The following EPS8 variants were observed in gnomAD, a reference collection of about 807,000 sequenced individuals.
EPS8 encodes epidermal growth factor receptor kinase substrate 8.
In EPS8, 42 loss-of-function variants were observed where a neutral mutation model predicts 103.8. The observed-to-expected ratio is 0.40, with a 90% CI of 0.32 to 0.52. The LOEUF is 0.52. Among genes scored for constraint, EPS8 ranks in the 20% least tolerant of loss-of-function variants. EPS8 has a pLI of 0.40. For synonymous variants in EPS8, 344 were observed against 344.6 expected (o/e 1.00, Z 0.02); for missense variants, 969 against 1,005.1 (o/e 0.96, Z 0.49).
At chr12:15,703,352 G>C (rs1464677542) in intron 1 of EPS8, among the ~76,000 whole-genome samples, 2 of 152,044 alleles carry the variant, frequency 1.3e-5, no homozygotes, top group Admixed American at 6.6e-5. Flanking sequence ...ATTACTGTAT[G>C]AACAATGTAC....
In EPS8 at chr12:15,780,318, C is replaced by T. The variant is rs1007399918; in HGVS notation, c.-22+8843G>A. Among the ~76,000 whole-genome samples the T allele has an allele frequency of 2.0e-5, 3 of 152,006 alleles. No homozygotes were observed. Among genetic ancestry groups the T allele is most frequent in the East Asian group, 3.9e-4 (2 of 5,190 alleles). On this transcript the variant is annotated intron_variant, in intron 1 of 20. Coordinates refer to ENST00000281172, the MANE Select transcript of EPS8 (RefSeq NM_004447.6). The surrounding 1 kb of genome is among the most constrained non-coding windows in gnomAD (Gnocchi z 4.1). Reference sequence around the variant, plus strand: ...CCACTCCCATCATGCCAACCTATTCCGCACATGTCAAACATGCTCATCTTT... The same window carrying T: ...CCACTCCCATCATGCCAACCTATTCTGCACATGTCAAACATGCTCATCTTT...
At chr12:15,646,565 C>A (rs1945322919) in intron 15 of EPS8, among the ~76,000 whole-genome samples, 1 of 152,102 alleles carries the variant, frequency 6.6e-6, no homozygotes, top group African/African-American at 2.4e-5. Flanking sequence ...AATTCTCCAT[C>A]TCTGCCTATA....
In EPS8 at chr12:15,654,239, A is replaced by G. The variant is rs375644284; in HGVS notation, c.1156T>C (p.Leu386=). ...ELASSVLSPL[L]NKDTIDFLNY... is the part of the protein sequence containing the mutation. Reference sequence around the variant, plus strand: ...AAGAAATCAATTGTGTCCTTATTCAATAGGGGACTAAGTACTGAACTGGCT... The same window carrying G: ...AAGAAATCAATTGTGTCCTTATTCAGTAGGGGACTAAGTACTGAACTGGCT... The change falls in exon 13 of 21, where the codon TTG becomes CTG. Residue 386 remains leucine, a synonymous_variant. Coordinates refer to ENST00000281172, the MANE Select transcript of EPS8 (RefSeq NM_004447.6). 7.4e-6 allele frequency: 12 copies of G among 1,613,524 alleles called. No homozygotes were observed. Among genetic ancestry groups the G allele is most frequent in the Non-Finnish European group, 1.0e-5 (12 of 1,179,562 alleles).
At chr12:15,722,202 A>C (rs1022153182) in intron 1 of EPS8, among the ~76,000 whole-genome samples, 1 of 152,058 alleles carries the variant, frequency 6.6e-6, no homozygotes, top group Non-Finnish European at 1.5e-5. Flanking sequence ...GGTACAAAAA[A>C]AAAAACGCAA....
intron 15 of EPS8, among the ~76,000 whole-genome samples, chr12:15,644,374 C>T (rs1945283663): frequency 6.6e-6 from 1 of 152,148 alleles, no homozygotes; most frequent in Admixed American, 6.5e-5. Context: ...AATTCATGTG[C>T]CACTTTTTTT....
At chr12:15,758,829 A>T (rs1947013734) in intron 1 of EPS8, among the ~76,000 whole-genome samples, 1 of 152,204 alleles carries the variant, frequency 6.6e-6, no homozygotes, top group Admixed American at 6.5e-5. Context: ...TCAGTGATGA[A>T]GTGCCTTAAT....
At chr12:15,732,503 A>AGG (rs1946727894) in intron 1 of EPS8, among the ~76,000 whole-genome samples, 1 of 152,206 alleles carries the variant, frequency 6.6e-6, no homozygotes, top group Non-Finnish European at 1.5e-5. Context: ...ATAACATTTA[A>AGG]GGCTCAGAGA....
In EPS8 at chr12:15,752,593, A is replaced by G. The variant is rs1946944661; in HGVS notation, c.-22+36568T>C. Among the ~76,000 whole-genome samples, 1 of 152,146 alleles carries G rather than the reference A, an allele frequency of 6.6e-6. No individual in the cohort carries two copies. Among genetic ancestry groups the G allele is most frequent in the African/African-American group, 2.4e-5 (1 of 41,412 alleles). On this transcript the variant is annotated intron_variant, in intron 1 of 20. Coordinates refer to ENST00000281172, the MANE Select transcript of EPS8 (RefSeq NM_004447.6). This position sits in a 1 kb window ranked among gnomAD's most constrained non-coding sequence, Gnocchi z 4.4. Reference sequence around the variant, plus strand: ...AGGGGCCCAGAGTCAGAAACATTATATTGAGCCCCCAAATTATCTGAGAAA... The same window carrying G: ...AGGGGCCCAGAGTCAGAAACATTATGTTGAGCCCCCAAATTATCTGAGAAA...
intron 1 of EPS8, among the ~76,000 whole-genome samples, chr12:15,689,370 G>T (rs1419489387): frequency 6.6e-6 from 1 of 152,074 alleles, no homozygotes; most frequent in Non-Finnish European, 1.5e-5. Context: ...AGCACCACAT[G>T]CTAAATTAGT....
At chr12:15,665,415 T>A in intron 8 of EPS8, 1 of 233,686 alleles carries the variant, frequency 4.3e-6, no homozygotes, top group Non-Finnish European at 8.3e-6. Context: ...TACTGCAACC[T>A]CCGCCTCCCG....
At position 15,624,329 on chromosome 12, in the gene EPS8, T is replaced by C. The variant is rs1359117212; in HGVS notation, c.2123A>G (p.Lys708Arg). ...LTIGRSAAQK[K>R]FHVPRQNVPV... is the part of the protein sequence containing the mutation. ...CACGTTCTGCCGTGGCACATGGAAT[T>C]TCTTCTGAGCGGCACTCCGACCAAT... The change falls in exon 19 of 21, where the codon AAA becomes AGA. Residue 708 changes from lysine (K) to arginine (R), a missense_variant. Physicochemically the swap from Lys to Arg is conservative, Grantham distance 26. Transcript: ENST00000281172. 6.2e-7 allele frequency: 1 copy of C among 1,612,984 alleles called. No homozygotes were observed. Among genetic ancestry groups the C allele is most frequent in the South Asian group, 1.1e-5 (1 of 90,894 alleles).
rs1029191163 is a variant in EPS8 at position 15,682,940 on chromosome 12, A to T, written c.12T>A (p.His4Gln). 1.9e-6 allele frequency: 3 copies of T among 1,584,146 alleles called. No homozygotes were observed. Among genetic ancestry groups the T allele is most frequent in the Non-Finnish European group, 2.6e-6 (3 of 1,164,552 alleles). The change falls in exon 2 of 21, where the codon CAT becomes CAA. Residue 4 changes from histidine (H) to glutamine (Q), a missense_variant. Transcript: ENST00000281172. ...CAAAACTACTGGGATGATTAGAAAT[A>T]TGACCATTCATTGTGTCTTTCACTT... is the stretch of plus-strand genomic sequence containing the variant. MNGHISNHPSSFGM... is the reference protein window; with the variant it reads MNGQISNHPSSFGM...
chr12:15,664,734 A>T (rs1945677989), intron 8 of EPS8, among the ~76,000 whole-genome samples: 1 of 152,228 alleles, frequency 6.6e-6, no homozygotes. Context: ...ATAAAGAATA[A>T]GAAGTTAAGA....
rs1166937629 is a variant in EPS8 at position 15,761,888 on chromosome 12, G to T, written c.-22+27273C>A. ...ACACTGAACTAGGTGAAAATTTCTT[G>T]AGTAATACCTCACGAGAACAGGCAA... On this transcript the variant is annotated intron_variant, in intron 1 of 20. Coordinates refer to ENST00000281172, the MANE Select transcript of EPS8 (RefSeq NM_004447.6). This position sits in a 1 kb window ranked among gnomAD's most constrained non-coding sequence, Gnocchi z 4.5. Among the ~76,000 whole-genome samples the T allele has an allele frequency of 6.6e-6, 1 of 152,090 alleles. No homozygotes were observed. Among genetic ancestry groups the T allele is most frequent in the African/African-American group, 2.4e-5 (1 of 41,428 alleles).
At chr12:15,763,008 T>C (rs1397357755) in intron 1 of EPS8, among the ~76,000 whole-genome samples, 5 of 152,202 alleles carry the variant, frequency 3.3e-5, no homozygotes, top group African/African-American at 7.2e-5. Context: ...GTGATTATTA[T>C]GTGTTACATG....
intron 1 of EPS8, among the ~76,000 whole-genome samples, chr12:15,712,199 A>G (rs1399495592): frequency 2.6e-5 from 4 of 152,166 alleles, no homozygotes. Context: ...CCATTAATTG[A>G]CTATTTAAAC....
chr12:15,751,949 G>A lies in EPS8; in HGVS notation c.-22+37212C>T, dbSNP rs1946937158. Among the ~76,000 whole-genome samples, 2 of 152,118 alleles carry A rather than the reference G, an allele frequency of 1.3e-5. No homozygotes were observed. Among genetic ancestry groups the A allele is most frequent in the South Asian group, 4.1e-4 (2 of 4,824 alleles). On this transcript the variant is annotated intron_variant, in intron 1 of 20. Transcript: ENST00000281172. The surrounding 1 kb of genome is among the most constrained non-coding windows in gnomAD (Gnocchi z 4.3). Reference sequence around the variant, plus strand: ...GAGCCAGAAAAGTGTAGAAAATCAAGGAGGATTAAGAGATTCTGGGCAGGT... The same window carrying A: ...GAGCCAGAAAAGTGTAGAAAATCAAAGAGGATTAAGAGATTCTGGGCAGGT...
intron 1 of EPS8, among the ~76,000 whole-genome samples, chr12:15,703,147 C>CA (rs1248827322): frequency 6.6e-6 from 1 of 151,896 alleles, no homozygotes; most frequent in Non-Finnish European, 1.5e-5. Context: ...GACTCCGTCT[C>CA]AAAAAATAAA....
chr12:15,753,906 T>A (rs1174251720), intron 1 of EPS8, among the ~76,000 whole-genome samples: 1 of 152,244 alleles, frequency 6.6e-6, no homozygotes, highest in African/African-American at 2.4e-5. Flanking sequence ...GGGCAATTAC[T>A]GTTTCCAGAG....
Sources: allele counts gnomAD v4.1 joint callset (sites outside exome capture counted in the v4.1 genomes callset), GRCh38; gene constraint gnomAD v4.1.1; non-coding constraint Gnocchi (gnomAD v3.1); transcripts MANE v1.5; gene names NCBI Gene and HGNC (gene_info 2026-07-23, HGNC 2026-07-21).